Variants in TBC1D2B observed in about 807,000 individuals in gnomAD.
The protein encoded by TBC1D2B is TBC1 domain family, member 2B.
A neutral mutation model predicts 100.8 loss-of-function variants in TBC1D2B; 64 were observed. That is an observed-to-expected ratio of 0.64 (90% CI 0.52 to 0.78). The LOEUF (loss-of-function observed/expected upper bound fraction) is 0.78, where lower values mean the gene tolerates loss of function less well. TBC1D2B is among the 30% of genes least tolerant of loss of function. The pLI is 0.00. For missense variants in TBC1D2B, 1,052 were observed against 1,218.4 expected, an observed-to-expected ratio of 0.86 and a Z score of 2.03; for synonymous variants, 480 against 479.7, an observed-to-expected ratio of 1.00 and a Z score of -0.01.
chr15:78,009,239 TA>T, intron 9 of TBC1D2B, 125 bp from the exon 10 acceptor site: 1 of 655,302 alleles, frequency 1.5e-6, no homozygotes, highest in South Asian at 1.9e-5. Context: ...AGTTCTCCAA[TA>T]AAGAATAATA....
chr15:78,066,203 G>C (rs1315234699), intron 1 of TBC1D2B: 2 of 391,200 alleles, frequency 5.1e-6, no homozygotes, highest in Non-Finnish European at 1.1e-5. Flanking sequence ...GGCCAATGGA[G>C]AATTGGGCCA....
At chr15:78,054,237 A>G (rs2073374263) in intron 1 of TBC1D2B, 50 bp from the exon 2 acceptor site, 1 of 1,557,660 alleles carries the variant, frequency 6.4e-7, no homozygotes, top group African/African-American at 1.4e-5. Context: ...TAATATGAAG[A>G]GCTTAAAAAA....
At chr15:78,065,709 G>A (rs1339220139) in intron 1 of TBC1D2B, among the ~76,000 whole-genome samples, 1 of 152,008 alleles carries the variant, frequency 6.6e-6, no homozygotes, top group Non-Finnish European at 1.5e-5. Context: ...CACACACTAT[G>A]CAATACCACA....
intron 3 of TBC1D2B, among the ~76,000 whole-genome samples, chr15:78,044,390 G>C (rs1049337644): frequency 6.6e-6 from 1 of 152,096 alleles, no homozygotes; most frequent in Admixed American, 6.5e-5. Context: ...CCCAGGACTT[G>C]AGACCAGCCT....
At chr15:78,002,386 G>A (rs909438097) in intron 11 of TBC1D2B, 4 of 151,982 alleles carry the variant, frequency 2.6e-5, no homozygotes, top group African/African-American at 9.7e-5. Context: ...GTTTCACCAT[G>A]TTAGCCACGA....
chr15:78,043,678 C>T (rs960721987), intron 3 of TBC1D2B, among the ~76,000 whole-genome samples: 6 of 152,086 alleles, frequency 3.9e-5, no homozygotes, highest in African/African-American at 7.2e-5. Flanking sequence ...ATTATGCTAA[C>T]GGAAAGAAGC....
rs775096530 is a variant in TBC1D2B, at chr15:78,013,120, A to G, written c.1973T>C (p.Leu658Pro). The G allele has an allele frequency of 6.2e-7, 1 of 1,613,942 alleles. No homozygotes were observed. Among genetic ancestry groups the G allele is most frequent in the Admixed American group, 1.7e-5 (1 of 60,018 alleles). Residue 658 changes from leucine to proline, a missense_variant, in exon 9 of 13, where the codon CTC (leucine) becomes CCC (proline). Physicochemically the swap from Leu to Pro is moderately conservative, Grantham distance 98. Transcript: ENST00000300584. ...CTCGTGGGGAATGCCCGCACGGATGAGGTTTTTTAACTCTGGAGAGCACAT... is the reference window on the plus strand; with the variant it reads ...CTCGTGGGGAATGCCCGCACGGATGGGGTTTTTTAACTCTGGAGAGCACAT... Reference protein sequence around the residue: ...EMMCSPELKNLIRAGIPHEHR... With the variant: ...EMMCSPELKNPIRAGIPHEHR...
At chr15:78,047,830 G>A (rs952390180) in intron 2 of TBC1D2B, among the ~76,000 whole-genome samples, 2 of 152,154 alleles carry the variant, frequency 1.3e-5, no homozygotes, top group Admixed American at 6.5e-5. Flanking sequence ...GGTGCTCAAT[G>A]TTGGTGACAC....
intron 1 of TBC1D2B, among the ~76,000 whole-genome samples, chr15:78,067,187 C>CA (rs1371088684): frequency 6.6e-6 from 1 of 152,218 alleles, no homozygotes; most frequent in African/African-American, 2.4e-5. Context: ...CTGTGGGACT[C>CA]AGTTTCCTCT....
At chr15:78,041,405 T>C (rs1047325112) in intron 3 of TBC1D2B, among the ~76,000 whole-genome samples, 1 of 152,244 alleles carries the variant, frequency 6.6e-6, no homozygotes, top group African/African-American at 2.4e-5. Context: ...TTTGGTCTCA[T>C]GCAGTCAGTC....
intron 1 of TBC1D2B, among the ~76,000 whole-genome samples, chr15:78,056,724 G>A (rs1284317154): frequency 8.0e-6 from 1 of 125,700 alleles, no homozygotes; most frequent in Non-Finnish European, 1.6e-5. Flanking sequence ...TTTTGCAGAT[G>A]AGGGGACAGA....
rs576641407 is a variant in TBC1D2B at position 78,077,317 on chromosome 15, G to T, written c.336C>A (p.Ser112Arg). The T allele has an allele frequency of 1.3e-6, 2 of 1,532,068 alleles. No homozygotes were observed. Among genetic ancestry groups the T allele is most frequent in the African/African-American group, 2.8e-5 (2 of 70,676 alleles). The allele number at this position is 1,532,068 out of a possible 1,614,324, so 94.9% of individuals were successfully genotyped here. A position where few individuals can be genotyped will look rare whatever the true frequency, so the allele number is the denominator to read the frequency against. The change falls in exon 1 of 13, where the codon AGC becomes AGA. Residue 112 changes from serine (S) to arginine (R), a missense_variant. Ser to Arg is a moderately radical substitution (Grantham distance 110). Transcript: ENST00000300584. ...TEPPAHFQVH[S>R]AGAVTVLKAP... ...CCTTGAGCACCGTGACGGCTCCCGC[G>T]CTGTGCACCTGGAAGTGCGCGGGCG...
At chr15:78,052,105 C>T (rs2073325599) in intron 2 of TBC1D2B, among the ~76,000 whole-genome samples, 1 of 152,138 alleles carries the variant, frequency 6.6e-6, no homozygotes, top group Admixed American at 6.5e-5. Context: ...CCAGGTGTGC[C>T]CCCAGGTTCA....
chr15:78,065,728 C>G (rs532916793), intron 1 of TBC1D2B, among the ~76,000 whole-genome samples: 1 of 152,126 alleles, frequency 6.6e-6, no homozygotes, highest in South Asian at 2.1e-4. Context: ...CATTATTCTG[C>G]TTGATGTTTT....
At chr15:78,031,448 G>T (rs1209963477) in intron 3 of TBC1D2B, among the ~76,000 whole-genome samples, 2 of 150,908 alleles carry the variant, frequency 1.3e-5, no homozygotes, top group African/African-American at 2.4e-5. Context: ...CAGCTACTCG[G>T]GAGGCTGAGG....
At chr15:78,019,715 C>T (rs113369630) in intron 6 of TBC1D2B, among the ~76,000 whole-genome samples, 10,340 of 114,960 alleles carry the variant, frequency 0.09, 435 homozygotes, top group East Asian at 0.28. Flanking sequence ...TGGCGAAACC[C>T]TGTCTCTACT....
intron 11 of TBC1D2B, chr15:78,001,959 A>G (rs990092642): frequency 5.0e-6 from 2 of 401,600 alleles, no homozygotes; most frequent in Non-Finnish European, 8.8e-6. Flanking sequence ...TCAACAACAC[A>G]TCAGCCCAAA....
intron 1 of TBC1D2B, among the ~76,000 whole-genome samples, chr15:78,068,612 C>G (rs1466477914): frequency 6.6e-6 from 1 of 152,216 alleles, no homozygotes; most frequent in South Asian, 2.1e-4. Context: ...CTGTAGCCGA[C>G]TGAGGGCCTC....
chr15:78,014,368 T>C (rs902281768), intron 8 of TBC1D2B, among the ~76,000 whole-genome samples: 2 of 152,202 alleles, frequency 1.3e-5, no homozygotes, highest in Non-Finnish European at 2.9e-5. Context: ...TCAAGCACTT[T>C]GGAAATCAGA....
Sources: allele counts gnomAD v4.1 joint callset (sites outside exome capture counted in the v4.1 genomes callset), GRCh38; gene constraint gnomAD v4.1.1; transcripts MANE v1.5; gene names NCBI Gene and HGNC (gene_info 2026-07-23, HGNC 2026-07-21).